The following COG3 variants were observed in gnomAD, a reference collection of about 807,000 sequenced individuals.
The protein encoded by COG3 is component of oligomeric golgi complex 3.
In COG3, 32 loss-of-function variants were observed where a neutral mutation model predicts 114.1. The observed-to-expected ratio is 0.28, with a 90% CI of 0.21 to 0.38. The LOEUF is 0.38. Among genes scored for constraint, COG3 ranks in the 10% least tolerant of loss-of-function variants. COG3 has a pLI of 1.00. For missense variants in COG3, 813 were observed against 973.2 expected (o/e 0.84, Z 2.19); for synonymous variants, 352 against 365.7 (o/e 0.96, Z 0.43).
intron 8 of COG3, among the ~76,000 whole-genome samples, chr13:45,488,265 A>C (rs935505919): frequency 3.3e-5 from 5 of 152,110 alleles, no homozygotes; most frequent in South Asian, 2.1e-4. Flanking sequence ...GTTAATGGGT[A>C]TAAATGTACA....
chr13:45,466,475 T>G (rs1885147283), intron 1 of COG3: 1 of 152,210 alleles, frequency 6.6e-6, no homozygotes, highest in Non-Finnish European at 1.5e-5. Context: ...TGCTCAGCCA[T>G]CAAATAGGCG....
intron 14 of COG3, among the ~76,000 whole-genome samples, chr13:45,504,719 A>G (rs1242221401): frequency 6.6e-6 from 1 of 152,220 alleles, no homozygotes; most frequent in African/African-American, 2.4e-5. Flanking sequence ...ATGTGGAACA[A>G]CTGAGAGGGT....
At chr13:45,533,923 G>A (rs1566277676) in intron 22 of COG3, among the ~76,000 whole-genome samples, 1 of 152,162 alleles carries the variant, frequency 6.6e-6, no homozygotes. Flanking sequence ...TGACATCGGG[G>A]TGATGATCTG....
intron 14 of COG3, among the ~76,000 whole-genome samples, chr13:45,508,068 TAAAAAAAAA>T (rs10571583): frequency 4.2e-3 from 137 of 32,268 alleles, no homozygotes; most frequent in African/African-American, 0.016. Flanking sequence ...AGGTCCAACC[TAAAAAAAAA>T]AAAAAAAAAA....
chr13:45,520,035 T>C (rs576840821), intron 19 of COG3, among the ~76,000 whole-genome samples: 1 of 152,262 alleles, frequency 6.6e-6, no homozygotes, highest in Admixed American at 6.5e-5. Context: ...TCCTAGCACT[T>C]TGGGAGGCTG....
At chr13:45,504,324 C>A (rs1279628388) in intron 14 of COG3, among the ~76,000 whole-genome samples, 1 of 152,220 alleles carries the variant, frequency 6.6e-6, no homozygotes, top group Non-Finnish European at 1.5e-5. Flanking sequence ...GGAGGACCCA[C>A]AGAGGGCTGA....
rs773307713 is a variant in COG3 at position 45,493,363 on chromosome 13, CTG to C, written c.1212_1213del (p.Ser405IlefsTer3). On this transcript the variant is annotated frameshift_variant, in exon 12 of 23. Transcript: ENST00000349995. LOFTEE classifies it high-confidence loss of function. Reference protein sequence around the residue: ...TSKLDELLEKLCVSLYDVFRP... With the variant: ...TSKLDELLEKXCVSLYDVFRP... ...TCATTTTAGTGAGCTTTTGGAGAAA[CTG>C]TGTGTGTCATTGTATGATGTCTTCA... is the stretch of plus-strand genomic sequence containing the variant. 4 of 1,610,604 alleles carry C rather than the reference CTG, an allele frequency of 2.5e-6. No homozygotes were observed. Among genetic ancestry groups the C allele is most frequent in the Non-Finnish European group, 2.5e-6 (3 of 1,178,054 alleles).
intron 21 of COG3, among the ~76,000 whole-genome samples, chr13:45,530,480 C>T (rs938581452): frequency 5.9e-5 from 9 of 152,224 alleles, no homozygotes; most frequent in African/African-American, 2.2e-4. Context: ...AGAGTTTAGT[C>T]TTCCTGGGAA....
At chr13:45,525,634 GTTTT>G (rs59577529) in intron 20 of COG3, among the ~76,000 whole-genome samples, 12 of 56,636 alleles carry the variant, frequency 2.1e-4, no homozygotes, top group South Asian at 1.8e-3. Context: ...AGGGCTTTGG[GTTTT>G]TTTTTTTTTT....
At position 45,490,053 on chromosome 13, in the gene COG3, A is replaced by G. The variant is rs76938562; in HGVS notation, c.925-862A>G. ...GAAAAAATAGTAAGCTTTTTACTCT[A>G]TAACATTACCAAAATAATATATTCT... On this transcript the variant is annotated intron_variant, in intron 8 of 22. Coordinates refer to ENST00000349995, the MANE Select transcript of COG3 (RefSeq NM_031431.4). 7.3e-3 allele frequency among the ~76,000 whole-genome samples: 1,114 copies of G among 152,266 alleles called. 14 individuals carry two copies. The highest frequency in any genetic ancestry group is 0.025 in the African/African-American group (1,038 of 41,534).
chr13:45,511,732 C>A, intron 15 of COG3, 33 bp from the exon 16 acceptor site: 1 of 1,542,476 alleles, frequency 6.5e-7, no homozygotes, highest in Non-Finnish European at 9.0e-7. Context: ...TTGTCAAATG[C>A]CACAGGCTGA....
chr13:45,489,720 C>T (rs941317395), intron 8 of COG3, among the ~76,000 whole-genome samples: 2 of 151,916 alleles, frequency 1.3e-5, no homozygotes, highest in African/African-American at 4.8e-5. Flanking sequence ...AATGGTAAGC[C>T]CATCTTCTTC....
intron 14 of COG3, among the ~76,000 whole-genome samples, chr13:45,504,142 G>A (rs939658204): frequency 2.6e-5 from 4 of 152,142 alleles, no homozygotes; most frequent in Admixed American, 2.0e-4. Flanking sequence ...GGTGGGTACT[G>A]TAACTCCATG....
At chr13:45,524,820 ATT>A (rs34702079) in intron 19 of COG3, among the ~76,000 whole-genome samples, 154 bp from the exon 20 acceptor site, 9 of 151,888 alleles carry the variant, frequency 5.9e-5, no homozygotes, top group Admixed American at 1.3e-4. Flanking sequence ...GAGATAATGC[ATT>A]TTTTTTAGGG....
At position 45,465,208 on chromosome 13, in the gene COG3, G is replaced by A; in HGVS notation, c.172G>A (p.Glu58Lys). ...GGCAGAGAACTTGCCGGTGCCAGCT[G>A]AGGTGAGGTGATGGGCAGGAACCGG... ...AAAENLPVPA[E>K]LPIEDLCSLT... The change falls in exon 1 of 23, where the codon GAG becomes AAG. Residue 58 changes from glutamate to lysine, a missense_variant and splice_region_variant. Physicochemically the swap from Glu to Lys is moderately conservative, Grantham distance 56. Around this residue, in one of 2 missense-constraint regions of COG3, gnomAD observed 424 missense variants for 430.6 expected, o/e 0.98. Transcript: ENST00000349995. 2 of 1,613,296 alleles carry A rather than the reference G, an allele frequency of 1.2e-6. No individual in the cohort carries two copies. The highest frequency in any genetic ancestry group is 1.7e-6 in the Non-Finnish European group (2 of 1,179,720).
chr13:45,501,202 G>A (rs1212111530), intron 13 of COG3, among the ~76,000 whole-genome samples: 1 of 152,188 alleles, frequency 6.6e-6, no homozygotes, highest in East Asian at 1.9e-4. Flanking sequence ...CCATGCTCAA[G>A]GAGTGGGTTG....
intron 22 of COG3, 67 bp from the exon 23 acceptor site, chr13:45,534,635 T>C: frequency 1.6e-6 from 2 of 1,250,756 alleles, no homozygotes; most frequent in South Asian, 1.4e-5. Context: ...TTCCCCTCCC[T>C]CCTTGACTTT....
chr13:45,476,443 A>C, intron 2 of COG3, 96 bp downstream of exon 2: 3 of 1,213,158 alleles, frequency 2.5e-6, no homozygotes, highest in Non-Finnish European at 3.5e-6. Context: ...AACATTTGTC[A>C]CCATAATTAA....
chr13:45,533,375 C>T (rs1329007713), intron 22 of COG3, among the ~76,000 whole-genome samples: 10 of 151,964 alleles, frequency 6.6e-5, no homozygotes, highest in Non-Finnish European at 1.5e-4. Flanking sequence ...GTAAGGAGTG[C>T]CCATATATCC....
Sources: allele counts gnomAD v4.1 joint callset (sites outside exome capture counted in the v4.1 genomes callset), GRCh38; gene constraint gnomAD v4.1.1; regional missense constraint gnomAD v4.1.1; transcripts MANE v1.5; gene names NCBI Gene and HGNC (gene_info 2026-07-23, HGNC 2026-07-21).